RBFOX1: variants seen among roughly 807,000 people sequenced by gnomAD.
The protein encoded by RBFOX1 is RNA binding protein fox-1 homolog 1.
In RBFOX1, 8 loss-of-function variants were observed where a neutral mutation model predicts 57.7. The observed-to-expected ratio is 0.14, with a 90% CI of 0.08 to 0.25. The LOEUF (loss-of-function observed/expected upper bound fraction) is 0.25, where lower values mean the gene tolerates loss of function less well. RBFOX1 is among the 10% of genes least tolerant of loss of function. RBFOX1 has a pLI of 1.00. For synonymous variants in RBFOX1, 326 were observed against 222.4 expected (o/e 1.47, Z -4.15); for missense variants, 611 against 548.5 (o/e 1.11, Z -1.14).
At chr16:7,064,696 C>G (rs1173999408) in intron 4 of RBFOX1, among the ~76,000 whole-genome samples, 2 of 152,158 alleles carry the variant, frequency 1.3e-5, no homozygotes, top group East Asian at 1.9e-4. Context: ...GTAGCCCTAG[C>G]AAACGCACAT....
At chr16:5,636,307 C>A (rs2048684837) in intron 3 of RBFOX1, among the ~76,000 whole-genome samples, 1 of 152,118 alleles carries the variant, frequency 6.6e-6, no homozygotes, top group Non-Finnish European at 1.5e-5. Context: ...AAGATTGCGC[C>A]ATTTCACCCT....
chr16:6,871,705 C>T lies in RBFOX1; in HGVS notation c.-15-180352C>T, dbSNP rs143499569. On this transcript the variant is annotated intron_variant, in intron 3 of 15. Coordinates refer to ENST00000550418, the MANE Select transcript of RBFOX1 (RefSeq NM_018723.4). ...CTCTTGTCCCCATTAATCTATTCTC[C>T]ATATACCAGAAAGAGTGATTTTCTG... 8.5e-3 allele frequency among the ~76,000 whole-genome samples: 1,296 copies of T among 152,224 alleles called. 4 individuals carry two copies. The highest frequency in any genetic ancestry group is 0.013 in the Non-Finnish European group (909 of 68,016).
intron 2 of RBFOX1, among the ~76,000 whole-genome samples, chr16:6,492,057 A>C (rs956029444): frequency 6.6e-6 from 1 of 152,142 alleles, no homozygotes; most frequent in Non-Finnish European, 1.5e-5. Context: ...GAGAAGACAA[A>C]TTGGCAAAGG....
In RBFOX1 at chr16:6,602,735, T is replaced by C. The variant is rs190547573; in HGVS notation, c.-63-51868T>C. ...AAGATGAGCTGGAAGTGCAATTTTT[T>C]TTCCACTTGCTGCTTTATCCCTTCT... On this transcript the variant is annotated intron_variant, in intron 2 of 15. Transcript: ENST00000550418. 6.1e-3 allele frequency among the ~76,000 whole-genome samples: 931 copies of C among 152,096 alleles called. 10 individuals carry two copies. The highest frequency in any genetic ancestry group is 8.5e-3 in the Non-Finnish European group (578 of 67,980).
At chr16:5,651,040 C>CTTTT (rs869240597) in intron 3 of RBFOX1, among the ~76,000 whole-genome samples, 5,922 of 56,766 alleles carry the variant, frequency 0.1, 2,076 homozygotes, top group Non-Finnish European at 0.13. Context: ...CTACCTCCTT[C>CTTTT]TTTTTTTTTT....
intron 11 of RBFOX1, among the ~76,000 whole-genome samples, chr16:7,638,359 C>G (rs2062128495): frequency 6.6e-6 from 1 of 152,184 alleles, no homozygotes; most frequent in Admixed American, 6.5e-5. Context: ...GATCACCCAG[C>G]TAGATCAGCT....
At chr16:7,113,463 C>A (rs903139395) in intron 4 of RBFOX1, among the ~76,000 whole-genome samples, 1 of 152,114 alleles carries the variant, frequency 6.6e-6, no homozygotes, top group African/African-American at 2.4e-5. Flanking sequence ...CTCCCACTTC[C>A]CTTTCGATCT....
At chr16:6,851,382 C>T (rs933204134) in intron 3 of RBFOX1, among the ~76,000 whole-genome samples, 2 of 152,078 alleles carry the variant, frequency 1.3e-5, no homozygotes, top group Non-Finnish European at 2.9e-5. Flanking sequence ...GATGTTACCC[C>T]TGGAGCAATA....
intron 2 of RBFOX1, among the ~76,000 whole-genome samples, chr16:6,547,528 G>T (rs1204437957): frequency 1.3e-5 from 2 of 152,154 alleles, no homozygotes; most frequent in African/African-American, 4.8e-5. Flanking sequence ...TGTTGTTGTT[G>T]TTATTGAGAT....
At chr16:7,684,921 TTAGAAAATGAACAAATGGGGGAA>T (rs2146996964) in intron 14 of RBFOX1, among the ~76,000 whole-genome samples, 1 of 152,170 alleles carries the variant, frequency 6.6e-6, no homozygotes, top group African/African-American at 2.4e-5. Flanking sequence ...TCTCCCAAAC[TTAGAAAATGAACAAATGGGGGAA>T]AAGGAGGATT....
chr16:6,866,698 C>T (rs932358189), intron 3 of RBFOX1, among the ~76,000 whole-genome samples: 2 of 151,764 alleles, frequency 1.3e-5, no homozygotes, highest in African/African-American at 2.4e-5. Flanking sequence ...CCTGCCACCA[C>T]GCCTGGCTGA....
At chr16:5,636,447 C>G (rs1432334289) in intron 3 of RBFOX1, among the ~76,000 whole-genome samples, 2 of 152,220 alleles carry the variant, frequency 1.3e-5, no homozygotes, top group African/African-American at 2.4e-5. Flanking sequence ...TAATGCTGGC[C>G]AAAGCACTGG....
intron 3 of RBFOX1, among the ~76,000 whole-genome samples, chr16:5,633,967 A>G (rs1455977474): frequency 6.6e-6 from 1 of 152,208 alleles, no homozygotes; most frequent in Admixed American, 6.5e-5. Context: ...CACGATGCCC[A>G]TTTGAAGGCC....
intron 2 of RBFOX1, among the ~76,000 whole-genome samples, chr16:6,331,486 G>A (rs558684284): frequency 6.6e-6 from 1 of 151,784 alleles, no homozygotes; most frequent in South Asian, 2.1e-4. Context: ...ATAGGGGTGA[G>A]TTGTGGGAAT....
chr16:6,256,203 GTA>G lies in RBFOX1; in HGVS notation c.-126-60788_-126-60787del, dbSNP rs1243022140. Among the ~76,000 whole-genome samples, 109 of 41,196 alleles carry G rather than the reference GTA, an allele frequency of 2.6e-3. 3 individuals carry two copies. Among genetic ancestry groups the G allele is most frequent in the African/African-American group, 7.8e-3 (106 of 13,604 alleles). 27.0% of individuals were successfully genotyped at this position (41,196 alleles called of 152,430 possible). On this transcript the variant is annotated intron_variant, in intron 1 of 15. Coordinates refer to ENST00000550418, the MANE Select transcript of RBFOX1 (RefSeq NM_018723.4). ...TATATATACGTATATATATGTATAT[GTA>G]TATGTGTATATATATGTATATATAT... is the stretch of plus-strand genomic sequence containing the variant.
At chr16:6,348,293 T>C (rs2152839704) in intron 2 of RBFOX1, among the ~76,000 whole-genome samples, 1 of 152,330 alleles carries the variant, frequency 6.6e-6, no homozygotes, top group East Asian at 1.9e-4. Context: ...CTTGTCTATT[T>C]GTCTCCTCTG....
chr16:5,424,814 T>TTC (rs1555514636), intron 1 of RBFOX1, among the ~76,000 whole-genome samples: 1 of 151,136 alleles, frequency 6.6e-6, no homozygotes, highest in Non-Finnish European at 1.5e-5. Context: ...CTGTTTTCTC[T>TTC]TCTCCTCTCC....
At chr16:6,310,023 G>A (rs1377397199) in intron 1 of RBFOX1, among the ~76,000 whole-genome samples, 1 of 152,142 alleles carries the variant, frequency 6.6e-6, no homozygotes, top group Non-Finnish European at 1.5e-5. Context: ...GAGGAGCTGG[G>A]AATATAGGTG....
intron 1 of RBFOX1, among the ~76,000 whole-genome samples, chr16:5,344,587 T>C (rs1402137505): frequency 6.6e-6 from 1 of 152,178 alleles, no homozygotes; most frequent in African/African-American, 2.4e-5. Flanking sequence ...ATTTTCCTTC[T>C]TGGGATGTTT....
Sources: allele counts gnomAD v4.1 joint callset (sites outside exome capture counted in the v4.1 genomes callset), GRCh38; gene constraint gnomAD v4.1.1; transcripts MANE v1.5; gene names NCBI Gene and HGNC (gene_info 2026-07-23, HGNC 2026-07-21).